Variants in DDX24 observed in about 807,000 individuals in gnomAD.
DDX24 encodes the protein DEAD-box helicase 24.
In DDX24, 24 loss-of-function variants were observed where a neutral mutation model predicts 68.9. The observed-to-expected ratio is 0.35, with a 90% CI of 0.25 to 0.49. DDX24 has a LOEUF of 0.49. Ranked by LOEUF, DDX24 falls within the 20% of genes least tolerant of loss-of-function variation. The pLI is 0.99. For missense variants in DDX24, 989 were observed against 1,039.0 expected, an observed-to-expected ratio of 0.95 and a Z score of 0.66; for synonymous variants, 395 against 385.2, an observed-to-expected ratio of 1.03 and a Z score of -0.30.
chr14:94,060,671 A>G (rs1357663991), intron 4 of DDX24, 58 bp from the exon 5 acceptor site: 6 of 1,576,930 alleles, frequency 3.8e-6, no homozygotes, highest in Non-Finnish European at 4.3e-6. Flanking sequence ...GGAATCATCT[A>G]TAGCACACCC....
intron 2 of DDX24, among the ~76,000 whole-genome samples, chr14:94,070,569 A>C (rs901083978): frequency 6.6e-6 from 1 of 152,242 alleles, no homozygotes; most frequent in African/African-American, 2.4e-5. Context: ...CTAAGCAAAA[A>C]GAACAAATCT....
chr14:94,064,447 G>A (rs893998754), intron 2 of DDX24, among the ~76,000 whole-genome samples: 2 of 152,214 alleles, frequency 1.3e-5, no homozygotes, highest in Non-Finnish European at 2.9e-5. Context: ...ATGGGGGATG[G>A]AACTTTCAGC....
At position 94,051,002 on chromosome 14, in the gene DDX24, T is replaced by C. The variant is rs80271596; in HGVS notation, c.*189A>G. ...ACACTGCAATACAGAAAAATTAAGC[T>C]GCTGCATTGAATTCTTACTCCAAAA... On this transcript the variant is annotated 3_prime_UTR_variant, in exon 9 of 9. Coordinates refer to ENST00000621632, the MANE Select transcript of DDX24 (RefSeq NM_020414.4). The C allele has an allele frequency of 1.7e-3, 855 of 517,634 alleles. 7 individuals are homozygous for C. Among genetic ancestry groups the C allele is most frequent in the African/African-American group, 0.016 (797 of 50,984 alleles). The allele number at this position is 517,634 out of a possible 1,614,324, so 32.1% of individuals were successfully genotyped here.
intron 1 of DDX24, 61 bp downstream of exon 1, chr14:94,081,058 G>A (rs1886079731): frequency 6.6e-6 from 1 of 152,258 alleles, no homozygotes; most frequent in African/African-American, 2.4e-5. Context: ...ATAGGAACCC[G>A]GGTTCCTGGC....
At chr14:94,055,597 T>TAA (rs1885478755) in intron 6 of DDX24, 1 of 184,664 alleles carries the variant, frequency 5.4e-6, no homozygotes, top group African/African-American at 2.3e-5. Flanking sequence ...CACACACCAT[T>TAA]AATCAAGCAC....
At chr14:94,054,940 C>G in intron 7 of DDX24, 56 bp downstream of exon 7, 4 of 1,574,858 alleles carry the variant, frequency 2.5e-6, no homozygotes, top group Non-Finnish European at 3.5e-6. Flanking sequence ...GCAAGGTGCT[C>G]TGCAAGGGAG....
chr14:94,061,874 G>A (rs1009777768), intron 3 of DDX24, among the ~76,000 whole-genome samples: 4 of 152,108 alleles, frequency 2.6e-5, no homozygotes, highest in African/African-American at 9.7e-5. Flanking sequence ...AGCATCTACT[G>A]TATCCAATAA....
chr14:94,057,910 G>C lies in DDX24; in HGVS notation c.1914-13C>G, dbSNP rs767821137. 5.0e-6 allele frequency: 8 copies of C among 1,611,426 alleles called. No individual in the cohort carries two copies. The East Asian group carries it at 6.7e-5, about 13-fold the overall frequency. On this transcript the variant is annotated splice_polypyrimidine_tract_variant and intron_variant, in intron 5 of 8. Coordinates refer to ENST00000621632, the MANE Select transcript of DDX24 (RefSeq NM_020414.4). ...CAAGAGAACACAGCTGGGGTAGAGA[G>C]AGAAAGCTTATTAATAATAACTAAC...
At chr14:94,053,238 C>T (rs1885423196) in intron 7 of DDX24, 111 bp from the exon 8 acceptor site, 4 of 1,455,440 alleles carry the variant, frequency 2.7e-6, no homozygotes, top group Non-Finnish European at 3.7e-6. Flanking sequence ...ACTCTGCTGC[C>T]CAGGCTGGAG....
rs142156022 is a variant in DDX24, at chr14:94,072,686, CGGGCATGGTG to C, written c.718+6329_718+6338del. Among the ~76,000 whole-genome samples the C allele has an allele frequency of 7.2e-3, 1,101 of 152,044 alleles. 8 individuals carry two copies. Among genetic ancestry groups the C allele is most frequent in the African/African-American group, 0.025 (1,050 of 41,448 alleles). ...CTCTACTAAAAATGCAAAAAGTAGCCGGGCATGGTGGCACATGCCTGTAGTTCAGCTACTT... is the reference window on the plus strand; with the variant it reads ...CTCTACTAAAAATGCAAAAAGTAGCCGCACATGCCTGTAGTTCAGCTACTT... On this transcript the variant is annotated intron_variant, in intron 2 of 8. Coordinates refer to ENST00000621632, the MANE Select transcript of DDX24 (RefSeq NM_020414.4).
In DDX24 at chr14:94,073,666, T is replaced by C. The variant is rs917261794; in HGVS notation, c.718+5359A>G. Reference sequence around the variant, plus strand: ...AATAATAATCTAATATTTTAATCCATAAAACATGTATTCACATAAACTGAT... The same window carrying C: ...AATAATAATCTAATATTTTAATCCACAAAACATGTATTCACATAAACTGAT... On this transcript the variant is annotated intron_variant, in intron 2 of 8. Coordinates refer to ENST00000621632, the MANE Select transcript of DDX24 (RefSeq NM_020414.4). Among the ~76,000 whole-genome samples, 5 of 152,236 alleles carry C rather than the reference T, an allele frequency of 3.3e-5. No individual in the cohort carries two copies. The East Asian group carries it at 7.7e-4, about 24-fold the overall frequency.
rs1885386151 is a variant in DDX24, at chr14:94,051,414, T to C, written c.2357A>G (p.Lys786Arg). 4.4e-6 allele frequency: 7 copies of C among 1,592,470 alleles called. No homozygotes were observed. The South Asian group carries it at 8.0e-5, about 18-fold the overall frequency. Reference sequence around the variant, plus strand: ...GTGGCGCAGCTCCTTCTTCAGAACCTTCATCTGCTTTTGTCTCCGACGTTC... The same window carrying C: ...GTGGCGCAGCTCCTTCTTCAGAACCCTCATCTGCTTTTGTCTCCGACGTTC... ...QEERRRQKQM[K>R]VLKKELRHLL... The change falls in exon 9 of 9, where the codon AAG becomes AGG. Residue 786 changes from lysine (K) to arginine (R), a missense_variant. This residue lies in a region of DDX24 where 691 missense variants were observed against 760.0 expected (regional missense o/e 0.91). Coordinates refer to ENST00000621632, the MANE Select transcript of DDX24 (RefSeq NM_020414.4).
chr14:94,070,089 T>C (rs900979723), intron 2 of DDX24, among the ~76,000 whole-genome samples: 15 of 152,178 alleles, frequency 9.9e-5, no homozygotes, highest in African/African-American at 3.6e-4. Context: ...TGTTTGCTGA[T>C]GATATGATCA....
chr14:94,081,109 T>C lies in DDX24; in HGVS notation c.-6+10A>G, dbSNP rs534059746. The C allele has an allele frequency of 2.0e-5, 3 of 152,428 alleles. No homozygotes were observed. The highest frequency in any genetic ancestry group is 2.1e-4 in the South Asian group (1 of 4,832). 9.4% of individuals were successfully genotyped at this position (152,428 alleles called of 1,614,324 possible). On this transcript the variant is annotated intron_variant, in intron 1 of 8. Coordinates refer to ENST00000621632, the MANE Select transcript of DDX24 (RefSeq NM_020414.4). ...GAGTCGGCTCCAACCCCGCTCGTTT[T>C]GGTACTCACCGTGTGGAGACGCCAC...
At position 94,060,470 on chromosome 14, in the gene DDX24, T is replaced by C; in HGVS notation, c.1541A>G (p.His514Arg). Residue 514 changes from histidine (H) to arginine (R), a missense_variant, in exon 5 of 9, where the codon CAT (histidine) becomes CGT (arginine). Physicochemically the swap from His to Arg is conservative, Grantham distance 29 (BLOSUM62 0). Transcript: ENST00000621632. ...LVFSATLTLV[H>R]QAPARILHKK... ...ATGAAGGATTCGAGCAGGAGCCTGA[T>C]GCACCAGGGTGAGTGTGGCAGAAAA... 3.1e-6 allele frequency: 5 copies of C among 1,614,214 alleles called. No individual in the cohort carries two copies. Among genetic ancestry groups the C allele is most frequent in the Non-Finnish European group, 4.2e-6 (5 of 1,180,046 alleles).
At chr14:94,068,848 G>A (rs372436607) in intron 2 of DDX24, among the ~76,000 whole-genome samples, 16 of 152,200 alleles carry the variant, frequency 1.1e-4, no homozygotes, top group African/African-American at 3.6e-4. Flanking sequence ...AAAACCTCTA[G>A]GATACAGCAA....
chr14:94,076,722 C>A (rs1885948638), intron 2 of DDX24, among the ~76,000 whole-genome samples: 1 of 146,256 alleles, frequency 6.8e-6, no homozygotes, highest in African/African-American at 2.5e-5. Context: ...GCAAATTAAT[C>A]TATAGTGATA....
intron 5 of DDX24, 60 bp downstream of exon 5, chr14:94,060,038 G>A: frequency 6.5e-7 from 1 of 1,529,312 alleles, no homozygotes; most frequent in Admixed American, 2.1e-5. Flanking sequence ...CCACCATCCT[G>A]ACCCCTTTTA....
intron 2 of DDX24, among the ~76,000 whole-genome samples, chr14:94,073,677 T>C (rs1336364527): frequency 6.6e-6 from 1 of 152,176 alleles, no homozygotes; most frequent in Non-Finnish European, 1.5e-5. Flanking sequence ...AAAACATGTA[T>C]TCACATAAAC....
Sources: gnomAD v4.1 joint callset for allele counts (sites outside exome capture counted in the v4.1 genomes callset) on GRCh38, gnomAD v4.1.1 for gene constraint, gnomAD v4.1.1 regional missense constraint, MANE v1.5 for transcripts, NCBI Gene and HGNC (gene_info 2026-07-23, HGNC 2026-07-21) for gene names.